Variants in RFX3 observed in about 807,000 individuals in gnomAD.
RFX3 encodes the protein regulatory factor X3.
Under a neutral mutation model 98.6 loss-of-function variants are expected in RFX3, and 14 were observed. The observed-to-expected ratio is 0.14, with a 90% CI of 0.09 to 0.22. The LOEUF (loss-of-function observed/expected upper bound fraction) is 0.22. RFX3 is among the 10% of genes least tolerant of loss of function. The probability of loss-of-function intolerance (pLI) is 1.00; values close to 1 mark genes in which losing one functional copy is unlikely to be tolerated. For missense variants in RFX3, 639 were observed against 926.9 expected, an observed-to-expected ratio of 0.69 and a Z score of 4.03; for synonymous variants, 383 against 328.4, an observed-to-expected ratio of 1.17 and a Z score of -1.80.
At chr9:3,358,044 T>G (rs1378087465) in intron 2 of RFX3, among the ~76,000 whole-genome samples, 2 of 152,052 alleles carry the variant, frequency 1.3e-5, no homozygotes, top group African/African-American at 4.8e-5. Context: ...GTCAATACTG[T>G]GAGGTGGAAA....
chr9:3,253,665 T>C (rs1276659311), intron 14 of RFX3, among the ~76,000 whole-genome samples: 2 of 152,184 alleles, frequency 1.3e-5, no homozygotes, highest in Non-Finnish European at 2.9e-5. Flanking sequence ...ACTGCTATTA[T>C]GATTCTCGGC....
At chr9:3,265,708 T>C (rs1425598586) in intron 12 of RFX3, among the ~76,000 whole-genome samples, 1 of 152,140 alleles carries the variant, frequency 6.6e-6, no homozygotes, top group African/African-American at 2.4e-5. Context: ...TTGTTCACTT[T>C]ATTCACAAAA....
At chr9:3,344,271 T>C (rs1834195371) in intron 3 of RFX3, among the ~76,000 whole-genome samples, 1 of 152,190 alleles carries the variant, frequency 6.6e-6, no homozygotes, top group Non-Finnish European at 1.5e-5. Context: ...ACAGTTTGAG[T>C]ATCCTATATC....
Position 3,389,255 on chromosome 9 carries a change from G to C in RFX3, c.117+6217C>G, listed in dbSNP as rs375849017. 6.0e-4 allele frequency among the ~76,000 whole-genome samples: 91 copies of C among 152,142 alleles called. 2 individuals are homozygous for C. Among genetic ancestry groups the C allele is most frequent in the African/African-American group, 2.2e-3 (91 of 41,514 alleles). Reference sequence around the variant, plus strand: ...CAAGCAGGGGTTAGACGACCTCCTAGGTTGAGGCATAAAATGAAAAACAAA... The same window carrying C: ...CAAGCAGGGGTTAGACGACCTCCTACGTTGAGGCATAAAATGAAAAACAAA... On this transcript the variant is annotated intron_variant, in intron 2 of 16. Coordinates refer to ENST00000617270, the MANE Select transcript of RFX3 (RefSeq NM_001282116.2).
At chr9:3,375,833 G>A (rs1270392126) in intron 2 of RFX3, among the ~76,000 whole-genome samples, 2 of 152,046 alleles carry the variant, frequency 1.3e-5, no homozygotes, top group East Asian at 1.9e-4. Flanking sequence ...GGTGGCACAC[G>A]CCTGTAGTCC....
chr9:3,282,914 C>T (rs1410027290), intron 7 of RFX3, among the ~76,000 whole-genome samples: 1 of 151,642 alleles, frequency 6.6e-6, no homozygotes, highest in Non-Finnish European at 1.5e-5. Flanking sequence ...AATATAATTG[C>T]CAATGAGATC....
intron 1 of RFX3, among the ~76,000 whole-genome samples, chr9:3,414,634 A>ATATATATGAGTATATATATG (rs1182154898): frequency 6.1e-5 from 9 of 146,762 alleles, no homozygotes; most frequent in African/African-American, 2.0e-4. Context: ...ACGAGTGTAT[A>ATATATATGAGTATATATATG]TATATATGAG....
At chr9:3,248,658 A>G (rs1820995323) in intron 14 of RFX3, among the ~76,000 whole-genome samples, 1 of 152,176 alleles carries the variant, frequency 6.6e-6, no homozygotes, top group African/African-American at 2.4e-5. Flanking sequence ...ACAAAATATA[A>G]TAAGCAATGT....
intron 15 of RFX3, among the ~76,000 whole-genome samples, chr9:3,238,750 G>A (rs1294356865): frequency 6.6e-6 from 1 of 152,172 alleles, no homozygotes; most frequent in Non-Finnish European, 1.5e-5. Context: ...AAAGTGATCA[G>A]TCCGAGGCAG....
chr9:3,434,322 T>C (rs1200700859), intron 1 of RFX3, among the ~76,000 whole-genome samples: 2 of 152,126 alleles, frequency 1.3e-5, no homozygotes, highest in Non-Finnish European at 2.9e-5. Flanking sequence ...CTTATATCAT[T>C]ATTAAGTGTG....
intron 4 of RFX3, among the ~76,000 whole-genome samples, chr9:3,308,159 G>C (rs1233742979): frequency 1.3e-5 from 2 of 152,042 alleles, no homozygotes; most frequent in East Asian, 3.9e-4. Flanking sequence ...GTCACTAATA[G>C]TGTACACCTC....
intron 1 of RFX3, among the ~76,000 whole-genome samples, chr9:3,487,946 A>G (rs1850410213): frequency 6.6e-6 from 1 of 152,156 alleles, no homozygotes; most frequent in African/African-American, 2.4e-5. Flanking sequence ...GGGAAAAGCT[A>G]AATAAGATGC....
At chr9:3,287,971 A>G (rs1308554726) in intron 7 of RFX3, among the ~76,000 whole-genome samples, 160 bp downstream of exon 7, 2 of 152,034 alleles carry the variant, frequency 1.3e-5, no homozygotes, top group African/African-American at 4.8e-5. Flanking sequence ...AACAGGCGAG[A>G]TCACTGAAAT....
chr9:3,296,836 G>C (rs143491855), intron 5 of RFX3, among the ~76,000 whole-genome samples: 146 of 152,186 alleles, frequency 9.6e-4, no homozygotes, highest in African/African-American at 3.4e-3. Flanking sequence ...CCTCGGGCTA[G>C]ATCGCCTAGA....
chr9:3,273,171 C>T (rs367768141), intron 9 of RFX3, among the ~76,000 whole-genome samples: 20 of 152,158 alleles, frequency 1.3e-4, no homozygotes, highest in African/African-American at 4.3e-4. Flanking sequence ...CAAATGACTA[C>T]GGGACTAAAT....
chr9:3,258,472 A>G (rs1328899289), intron 13 of RFX3, among the ~76,000 whole-genome samples: 1 of 152,122 alleles, frequency 6.6e-6, no homozygotes, highest in Non-Finnish European at 1.5e-5. Flanking sequence ...AAGGCACTTC[A>G]AATGCAAAAT....
intron 13 of RFX3, among the ~76,000 whole-genome samples, chr9:3,257,959 C>A (rs540348923): frequency 6.6e-6 from 1 of 152,228 alleles, no homozygotes; most frequent in East Asian, 1.9e-4. Flanking sequence ...TTTAAGGCTA[C>A]TTTTCAGTGA....
At chr9:3,311,363 T>C (rs1376769542) in intron 4 of RFX3, among the ~76,000 whole-genome samples, 2 of 152,186 alleles carry the variant, frequency 1.3e-5, no homozygotes, top group African/African-American at 2.4e-5. Context: ...GAAAAGGGAA[T>C]TGTGATGGCT....
chr9:3,381,326 T>G (rs188488590), intron 2 of RFX3, among the ~76,000 whole-genome samples: 1 of 151,968 alleles, frequency 6.6e-6, no homozygotes, highest in Admixed American at 6.6e-5. Flanking sequence ...ATCAGTCCCA[T>G]AAGAAAAAAA....
Sources: gnomAD v4.1 joint callset for allele counts (sites outside exome capture counted in the v4.1 genomes callset) on GRCh38, gnomAD v4.1.1 for gene constraint, MANE v1.5 for transcripts, NCBI Gene and HGNC (gene_info 2026-07-23, HGNC 2026-07-21) for gene names.